Variants in PIEZO2 observed in about 807,000 individuals in gnomAD.
The protein encoded by PIEZO2 is piezo type mechanosensitive ion channel component 2.
PIEZO2 carries 172 observed loss-of-function variants against 337.3 expected under a neutral mutation model. That is an observed-to-expected ratio of 0.51 (90% CI 0.45 to 0.58). The LOEUF is 0.58. Ranked by LOEUF, PIEZO2 falls within the 20% of genes least tolerant of loss-of-function variation. The pLI is 0.00. For missense variants in PIEZO2, 3,028 were observed against 3,391.3 expected, an observed-to-expected ratio of 0.89 and a Z score of 2.66; for synonymous variants, 1,251 against 1,228.5, an observed-to-expected ratio of 1.02 and a Z score of -0.38.
intron 30 of PIEZO2, among the ~76,000 whole-genome samples, chr18:10,745,036 T>C (rs1181277501): frequency 2.6e-5 from 4 of 151,718 alleles, no homozygotes; most frequent in Admixed American, 2.6e-4. Flanking sequence ...TCTCAAGTCT[T>C]GAAGTCTGTG....
rs373403338 is a variant in PIEZO2 at position 11,086,198 on chromosome 18, T to A, written c.65-19976A>T. On this transcript the variant is annotated intron_variant, in intron 1 of 55. Transcript: ENST00000674853. ...ACTTTTTAAAACGGTGTCTTATTTA[T>A]CCTAATGATACGAAAATTCGACAGA... 2.7e-4 allele frequency among the ~76,000 whole-genome samples: 41 copies of A among 152,280 alleles called. No homozygotes were observed. In the East Asian group the frequency reaches 3.1e-3, roughly 11 times the overall value.
At chr18:10,860,704 G>T (rs1161565679) in intron 5 of PIEZO2, among the ~76,000 whole-genome samples, 1 of 152,246 alleles carries the variant, frequency 6.6e-6, no homozygotes, top group Non-Finnish European at 1.5e-5. Flanking sequence ...CTGGGTCACA[G>T]TCAGAAACAC....
rs1052797787 is a variant in PIEZO2 at position 10,748,906 on chromosome 18, T to G, written c.4265-276A>C. ...GGGAGGCCTCTTGAGTATTTCTCTC[T>G]CTTAGGAAGAAAGGGACCTCCAACA... On this transcript the variant is annotated intron_variant, in intron 29 of 55. Coordinates refer to ENST00000674853, the MANE Select transcript of PIEZO2 (RefSeq NM_001378183.1). The surrounding 1 kb of genome is among the most constrained non-coding windows in gnomAD (Gnocchi z 5.1). Among the ~76,000 whole-genome samples, 1 of 152,074 alleles carries G rather than the reference T, an allele frequency of 6.6e-6. No individual in the cohort carries two copies. Among genetic ancestry groups the G allele is most frequent in the Non-Finnish European group, 1.5e-5 (1 of 68,024 alleles).
intron 1 of PIEZO2, among the ~76,000 whole-genome samples, chr18:11,130,274 G>A (rs761462512): frequency 3.9e-5 from 6 of 152,244 alleles, no homozygotes; most frequent in Non-Finnish European, 7.3e-5. Context: ...AACTGCAGCT[G>A]CTGTACCAGA....
chr18:10,688,235 T>A (rs1425008621), intron 49 of PIEZO2, among the ~76,000 whole-genome samples: 4 of 152,116 alleles, frequency 2.6e-5, no homozygotes, highest in Non-Finnish European at 5.9e-5. Context: ...CGGCTCCCGC[T>A]TATGAGTGAG....
rs1005416109 is a variant in PIEZO2, at chr18:10,673,332, G to C, written c.8162-459C>G. 6.6e-6 allele frequency among the ~76,000 whole-genome samples: 1 copy of C among 152,178 alleles called. No homozygotes were observed. Among genetic ancestry groups the C allele is most frequent in the African/African-American group, 2.4e-5 (1 of 41,440 alleles). On this transcript the variant is annotated intron_variant, in intron 54 of 55. Coordinates refer to ENST00000674853, the MANE Select transcript of PIEZO2 (RefSeq NM_001378183.1). This position sits in a 1 kb window ranked among gnomAD's most constrained non-coding sequence, Gnocchi z 4.8. Reference sequence around the variant, plus strand: ...ATATAACATTGTTCCTTATCTCCATGGGAAAAGACTGTATACACAAGCACA... The same window carrying C: ...ATATAACATTGTTCCTTATCTCCATCGGAAAAGACTGTATACACAAGCACA...
chr18:11,025,052 A>G (rs1020621262), intron 2 of PIEZO2, among the ~76,000 whole-genome samples: 14 of 151,998 alleles, frequency 9.2e-5, no homozygotes, highest in African/African-American at 2.9e-4. Flanking sequence ...AAGCATTTCT[A>G]TAAGCGTCCT....
rs1294884637 is a variant in PIEZO2, at chr18:11,105,527, T to C, written c.65-39305A>G. On this transcript the variant is annotated intron_variant, in intron 1 of 55. Coordinates refer to ENST00000674853, the MANE Select transcript of PIEZO2 (RefSeq NM_001378183.1). This position sits in a 1 kb window ranked among gnomAD's most constrained non-coding sequence, Gnocchi z 4.3. ...TTATCTCATTCTCTCCTGCTTGTTATGAGCTCAGAAAGCTTTAGGTGTGGG... is the reference window on the plus strand; with the variant it reads ...TTATCTCATTCTCTCCTGCTTGTTACGAGCTCAGAAAGCTTTAGGTGTGGG... Among the ~76,000 whole-genome samples the C allele has an allele frequency of 6.6e-6, 1 of 152,088 alleles. No homozygotes were observed. Among genetic ancestry groups the C allele is most frequent in the Non-Finnish European group, 1.5e-5 (1 of 68,028 alleles).
chr18:10,981,705 G>GCAGA (rs1435615662), intron 2 of PIEZO2, among the ~76,000 whole-genome samples: 2 of 152,174 alleles, frequency 1.3e-5, no homozygotes, highest in African/African-American at 4.8e-5. Flanking sequence ...ACTGGGAGAG[G>GCAGA]CAGACCAACC....
At position 11,148,769 on chromosome 18, in the gene PIEZO2, C is replaced by A. The variant is rs2040875590; in HGVS notation, c.-181G>T. The A allele has an allele frequency of 3.5e-6, 2 of 573,180 alleles. No individual in the cohort carries two copies. Among genetic ancestry groups the A allele is most frequent in the Non-Finnish European group, 5.9e-6 (2 of 341,850 alleles). The allele number at this position is 573,180 out of a possible 1,614,324, so 35.5% of individuals were successfully genotyped here. A position where few individuals can be genotyped will look rare whatever the true frequency, so the allele number is the denominator to read the frequency against. ...GAGGGCACGCTCCCGGGGCTCTTGG[C>A]CGCCCCTCGCCCACCGGGCTCTGGG... On this transcript the variant is annotated 5_prime_UTR_variant, in exon 1 of 56. Transcript: ENST00000674853. This position sits in a 1 kb window ranked among gnomAD's most constrained non-coding sequence, Gnocchi z 5.2.
chr18:10,778,160 T>A (rs899032957), intron 18 of PIEZO2, among the ~76,000 whole-genome samples: 45 of 152,056 alleles, frequency 3.0e-4, no homozygotes, highest in African/African-American at 1.1e-3. Context: ...ACACTGAACA[T>A]AAAGAAATAA....
At position 10,991,155 on chromosome 18, in the gene PIEZO2, T is replaced by TACACAC. The variant is rs374157292; in HGVS notation, c.161-11501_161-11496dup. 3.3e-3 allele frequency among the ~76,000 whole-genome samples: 465 copies of TACACAC among 140,638 alleles called. 4 individuals carry two copies. Among genetic ancestry groups the TACACAC allele is most frequent in the African/African-American group, 0.01 (389 of 38,632 alleles). 92.3% of individuals were successfully genotyped at this position (140,638 alleles called of 152,430 possible). On this transcript the variant is annotated intron_variant, in intron 2 of 55. Transcript: ENST00000674853. ...TTCTTTTTGTTTTTGGAAGGTTTTA[T>TACACAC]ACACACACACACACACACACACACA...
intron 1 of PIEZO2, among the ~76,000 whole-genome samples, chr18:11,135,608 C>G (rs1442046821): frequency 4.6e-5 from 7 of 152,128 alleles, no homozygotes; most frequent in African/African-American, 1.7e-4. Flanking sequence ...AGTGCAATGG[C>G]GTGATCTTGG....
chr18:10,787,860 T>A (rs940163487), intron 15 of PIEZO2, among the ~76,000 whole-genome samples: 2 of 152,190 alleles, frequency 1.3e-5, no homozygotes, highest in African/African-American at 4.8e-5. Flanking sequence ...TAAAAGTGAG[T>A]CTGTGGAGAA....
intron 7 of PIEZO2, among the ~76,000 whole-genome samples, chr18:10,817,722 G>A (rs562198242): frequency 1.3e-5 from 2 of 152,028 alleles, no homozygotes; most frequent in African/African-American, 4.8e-5. Flanking sequence ...AGGAGATAGA[G>A]ACCATCCTGG....
At chr18:10,956,917 C>T (rs1337537441) in intron 3 of PIEZO2, among the ~76,000 whole-genome samples, 3 of 147,796 alleles carry the variant, frequency 2.0e-5, no homozygotes, top group African/African-American at 5.0e-5. Flanking sequence ...TGCAGTGAGC[C>T]GAGATCACAC....
intron 4 of PIEZO2, among the ~76,000 whole-genome samples, chr18:10,896,504 G>C (rs1318712840): frequency 6.6e-6 from 1 of 152,238 alleles, no homozygotes. Context: ...GGTCAGAGTA[G>C]AGTGCAGAGA....
intron 2 of PIEZO2, among the ~76,000 whole-genome samples, chr18:11,025,461 T>C (rs562559153): frequency 1.4e-4 from 21 of 152,282 alleles, no homozygotes; most frequent in Admixed American, 1.1e-3. Context: ...TGACTCCAAA[T>C]GGTCTTCCCA....
In PIEZO2 at chr18:10,814,965, A is replaced by G. The variant is rs12605022; in HGVS notation, c.918-7691T>C. ...TATGTTTGAAGATATAAAGCTAGCA[A>G]TAACTGCAGCCACCCATCGATGGTC... On this transcript the variant is annotated intron_variant, in intron 7 of 55. Coordinates refer to ENST00000674853, the MANE Select transcript of PIEZO2 (RefSeq NM_001378183.1). 6.6e-3 allele frequency among the ~76,000 whole-genome samples: 999 copies of G among 152,344 alleles called. 9 individuals are homozygous for G. The Middle Eastern group carries it at 0.099, about 15-fold the overall frequency.
Sources: gnomAD v4.1 joint callset for allele counts (sites outside exome capture counted in the v4.1 genomes callset) on GRCh38, gnomAD v4.1.1 for gene constraint, Gnocchi (gnomAD v3.1) non-coding constraint, MANE v1.5 for transcripts, NCBI Gene and HGNC (gene_info 2026-07-23, HGNC 2026-07-21) for gene names.